RNF43: variants seen among roughly 807,000 people sequenced by gnomAD.
The protein encoded by RNF43 is E3 ubiquitin-protein ligase RNF43.
RNF43 carries 37 observed loss-of-function variants against 78.4 expected under a neutral mutation model. The observed-to-expected ratio is 0.47, with a 90% CI of 0.36 to 0.62. RNF43 has a LOEUF of 0.62. Ranked by LOEUF, RNF43 falls within the 20% of genes least tolerant of loss-of-function variation. The pLI, the probability that RNF43 is intolerant of heterozygous loss-of-function variation, is 0.00. For synonymous variants in RNF43, 347 were observed against 395.0 expected, an observed-to-expected ratio of 0.88 and a Z score of 1.44; for missense variants, 774 against 1,007.9, an observed-to-expected ratio of 0.77 and a Z score of 3.14.
chr17:58,399,136 A>C (rs1973743101), intron 2 of RNF43, among the ~76,000 whole-genome samples: 2 of 152,248 alleles, frequency 1.3e-5, no homozygotes. Context: ...GTTATAAGCC[A>C]TGTGTGTTTA....
intron 2 of RNF43, among the ~76,000 whole-genome samples, chr17:58,407,873 G>A (rs1385425690): frequency 6.6e-6 from 1 of 152,176 alleles, no homozygotes; most frequent in African/African-American, 2.4e-5. Flanking sequence ...CAAAACATGT[G>A]AGTAAAATAT....
chr17:58,399,579 C>T (rs966725740), intron 2 of RNF43, among the ~76,000 whole-genome samples: 1 of 152,144 alleles, frequency 6.6e-6, no homozygotes, highest in Admixed American at 6.5e-5. Context: ...AGAAACATGG[C>T]TGCAAGCTAC....
rs570890430 is a variant in RNF43 at position 58,364,419 on chromosome 17, C to A, written c.376-819G>T. 1.2e-4 allele frequency among the ~76,000 whole-genome samples: 19 copies of A among 152,232 alleles called. No homozygotes were observed. In the South Asian group the frequency reaches 2.7e-3, roughly 22 times the overall value. ...AGGAAGCAGAATCTAGCCAACCAGG[C>A]AGAACAGATAGCAGTGCCAGAAAGA... is the stretch of plus-strand genomic sequence containing the variant. On this transcript the variant is annotated intron_variant, in intron 3 of 9. Coordinates refer to ENST00000407977, the MANE Select transcript of RNF43 (RefSeq NM_017763.6).
rs1208556981 is a variant in RNF43, at chr17:58,362,548, C to T, written c.683G>A (p.Arg228Lys). 4.3e-6 allele frequency: 7 copies of T among 1,609,388 alleles called. No homozygotes were observed. In the Admixed American group the frequency reaches 8.4e-5, roughly 19 times the overall value. Residue 228 changes from arginine to lysine, a missense_variant, in exon 6 of 10, where the codon AGG (arginine) becomes AAG (lysine). Physicochemically the swap from Arg to Lys is conservative, Grantham distance 26. Transcript: ENST00000407977. ...CAAAGACCCCACACTGCTCACCGGC[C>T]TGCTGTGGCGGGGGCGGCACCGGAT... ...LRIRCRPRHSRPDPLQQRTAW... is the reference protein window; with the variant it reads ...LRIRCRPRHSKPDPLQQRTAW...
intron 2 of RNF43, among the ~76,000 whole-genome samples, chr17:58,393,314 G>A (rs1022569930): frequency 1.3e-5 from 2 of 152,168 alleles, no homozygotes; most frequent in Admixed American, 6.5e-5. Flanking sequence ...CGCTGAGGCA[G>A]GAGAATCACT....
chr17:58,411,395 T>TA (rs1974021854), intron 2 of RNF43, among the ~76,000 whole-genome samples: 1 of 152,026 alleles, frequency 6.6e-6, no homozygotes, highest in Non-Finnish European at 1.5e-5. Flanking sequence ...GCCAAAAACT[T>TA]AAAGTTTCAG....
intron 3 of RNF43, among the ~76,000 whole-genome samples, chr17:58,368,724 A>G (rs1431932895): frequency 1.3e-5 from 2 of 152,006 alleles, no homozygotes; most frequent in Non-Finnish European, 2.9e-5. Context: ...AAAAAAAAAA[A>G]AAAGAAAAAA....
At chr17:58,396,870 A>G (rs1973692688) in intron 2 of RNF43, among the ~76,000 whole-genome samples, 1 of 152,192 alleles carries the variant, frequency 6.6e-6, no homozygotes, top group Non-Finnish European at 1.5e-5. Flanking sequence ...GCTTTTGTAT[A>G]AAATCAAATA....
intron 2 of RNF43, among the ~76,000 whole-genome samples, chr17:58,408,085 T>C (rs925503253): frequency 1.3e-5 from 2 of 152,248 alleles, no homozygotes; most frequent in Non-Finnish European, 2.9e-5. Context: ...CATCACAATA[T>C]TGTTGTCTGT....
At chr17:58,369,217 G>C (rs940972228) in intron 3 of RNF43, among the ~76,000 whole-genome samples, 1 of 152,170 alleles carries the variant, frequency 6.6e-6, no homozygotes, top group African/African-American at 2.4e-5. Context: ...CCAGAAGTAG[G>C]GCAGGCAGCT....
intron 3 of RNF43, among the ~76,000 whole-genome samples, chr17:58,365,619 C>T (rs1972931607): frequency 2.0e-5 from 3 of 152,216 alleles, no homozygotes; most frequent in Admixed American, 2.0e-4. Context: ...CAGTGAGTCC[C>T]TGTGTCCAGA....
chr17:58,370,787 G>C (rs1440257581), intron 3 of RNF43, 124 bp downstream of exon 3: 1 of 1,146,962 alleles, frequency 8.7e-7, no homozygotes, highest in Non-Finnish European at 1.2e-6. Context: ...TCATGGGTTA[G>C]GGAAACCCAA....
chr17:58,359,996 G>A (rs1048538705), intron 8 of RNF43, among the ~76,000 whole-genome samples, 153 bp downstream of exon 8: 5 of 152,178 alleles, frequency 3.3e-5, no homozygotes, highest in South Asian at 2.1e-4. Context: ...GCTTCCCCTC[G>A]AGTGAGGCAC....
At chr17:58,403,962 GA>G (rs961461363) in intron 2 of RNF43, among the ~76,000 whole-genome samples, 20 of 152,178 alleles carry the variant, frequency 1.3e-4, no homozygotes, top group African/African-American at 4.8e-4. Context: ...GTTAGTGATT[GA>G]AGTCAGTGTG....
In RNF43 at chr17:58,363,542, C is replaced by T. The variant is rs151209912; in HGVS notation, c.434G>A (p.Arg145Gln). The T allele has an allele frequency of 1.0e-4, 169 of 1,612,336 alleles. No homozygotes were observed. In the East Asian group the frequency reaches 1.4e-3, roughly 13 times the overall value. Reference sequence around the variant, plus strand: ...CCTGGGTACCTGCTCAGCAGCAGCTCGATCCTCAGTGATGTCAAAGAGGAC... The same window carrying T: ...CCTGGGTACCTGCTCAGCAGCAGCTTGATCCTCAGTGATGTCAAAGAGGAC... ...SAVLFDITED[R>Q]AAAEQLQQPL... Residue 145 changes from arginine (R) to glutamine (Q), a missense_variant, in exon 4 of 10, where the codon CGA becomes CAA. By Grantham distance (43) the Arg-to-Gln change is conservative. Coordinates refer to ENST00000407977, the MANE Select transcript of RNF43 (RefSeq NM_017763.6).
At chr17:58,362,499 A>C (rs777569373) in intron 6 of RNF43, 45 bp downstream of exon 6, 28 of 1,431,586 alleles carry the variant, frequency 2.0e-5, no homozygotes, top group Non-Finnish European at 2.6e-5. Flanking sequence ...ACCCACCCAC[A>C]CACACGCACA....
At chr17:58,408,068 A>G (rs1284166845) in intron 2 of RNF43, among the ~76,000 whole-genome samples, 2 of 152,232 alleles carry the variant, frequency 1.3e-5, no homozygotes, top group African/African-American at 4.8e-5. Flanking sequence ...CCACTTTCTT[A>G]TAACTGCATC....
At chr17:58,389,588 T>G (rs932729495) in intron 2 of RNF43, among the ~76,000 whole-genome samples, 2 of 152,180 alleles carry the variant, frequency 1.3e-5, no homozygotes, top group African/African-American at 4.8e-5. Flanking sequence ...GAGGCCAATA[T>G]GCAAAACTGG....
intron 2 of RNF43, among the ~76,000 whole-genome samples, chr17:58,386,221 T>C (rs2143581970): frequency 6.6e-6 from 1 of 151,810 alleles, no homozygotes. Flanking sequence ...AGGTTAGGAG[T>C]TCGAGACCAG....
Sources: allele counts gnomAD v4.1 joint callset (sites outside exome capture counted in the v4.1 genomes callset), GRCh38; gene constraint gnomAD v4.1.1; transcripts MANE v1.5; gene names NCBI Gene and HGNC (gene_info 2026-07-23, HGNC 2026-07-21).